Variants in COL25A1 observed in about 807,000 individuals in gnomAD.
COL25A1 encodes collagen type XXV alpha 1 chain.
A neutral mutation model predicts 128.4 loss-of-function variants in COL25A1; 103 were observed. The ratio of observed to expected loss-of-function variants is 0.80; its 90% CI spans 0.68 to 0.94. The LOEUF is 0.94. Ranked by LOEUF, COL25A1 falls within the 40% of genes least tolerant of loss-of-function variation. The pLI is 0.00. For missense variants in COL25A1, 745 were observed against 840.0 expected (o/e 0.89, Z 1.40); for synonymous variants, 279 against 277.2 (o/e 1.01, Z -0.06).
intron 3 of COL25A1, among the ~76,000 whole-genome samples, chr4:109,214,324 A>G (rs2126201144): frequency 6.6e-6 from 1 of 152,244 alleles, no homozygotes; most frequent in East Asian, 1.9e-4. Flanking sequence ...TGAACCAAAA[A>G]CATCTAGAGG....
intron 5 of COL25A1, among the ~76,000 whole-genome samples, chr4:109,019,463 A>C (rs1757529217): frequency 6.6e-6 from 1 of 150,728 alleles, no homozygotes; most frequent in Admixed American, 6.6e-5. Context: ...TAATTTATAA[A>C]GAAAAAAAGT....
At chr4:109,287,184 G>C (rs549722778) in intron 3 of COL25A1, among the ~76,000 whole-genome samples, 1 of 152,104 alleles carries the variant, frequency 6.6e-6, no homozygotes, top group African/African-American at 2.4e-5. Context: ...AATTGGATAC[G>C]GTTTGCTACA....
At chr4:108,893,777 G>A (rs1741816030) in intron 16 of COL25A1, among the ~76,000 whole-genome samples, 1 of 152,138 alleles carries the variant, frequency 6.6e-6, no homozygotes, top group African/African-American at 2.4e-5. Flanking sequence ...CATAAGAAGA[G>A]TGTTTCCAAC....
chr4:109,136,357 A>G (rs1769763815), intron 3 of COL25A1, among the ~76,000 whole-genome samples: 2 of 152,136 alleles, frequency 1.3e-5, no homozygotes, highest in Non-Finnish European at 2.9e-5. Flanking sequence ...CGAGATCATG[A>G]CATTGCACTC....
chr4:109,177,100 G>T (rs956378848), intron 3 of COL25A1, among the ~76,000 whole-genome samples: 1 of 152,162 alleles, frequency 6.6e-6, no homozygotes, highest in Non-Finnish European at 1.5e-5. Flanking sequence ...TAGCAGGAAG[G>T]AATATGCAAA....
At chr4:108,961,661 C>A (rs528246545) in intron 8 of COL25A1, among the ~76,000 whole-genome samples, 1 of 135,160 alleles carries the variant, frequency 7.4e-6, no homozygotes, top group African/African-American at 2.7e-5. Flanking sequence ...TGTGTTTGGG[C>A]ATCACTCCCT....
chr4:109,093,752 A>T (rs2126012186), intron 3 of COL25A1, among the ~76,000 whole-genome samples: 1 of 152,352 alleles, frequency 6.6e-6, no homozygotes, highest in South Asian at 2.1e-4. Flanking sequence ...GTAAAATAAT[A>T]TATGAGGCCA....
At chr4:109,161,087 C>T (rs1248221519) in intron 3 of COL25A1, among the ~76,000 whole-genome samples, 1 of 152,152 alleles carries the variant, frequency 6.6e-6, no homozygotes, top group Non-Finnish European at 1.5e-5. Context: ...ATCCTCCCAC[C>T]TTTACCTCTC....
intron 3 of COL25A1, among the ~76,000 whole-genome samples, chr4:109,216,010 T>C (rs910032878): frequency 6.6e-6 from 1 of 152,134 alleles, no homozygotes; most frequent in African/African-American, 2.4e-5. Flanking sequence ...CAGTCTGAAA[T>C]GTACCTCTCA....
intron 12 of COL25A1, 44 bp downstream of exon 12, chr4:108,920,534 A>T: frequency 6.6e-7 from 1 of 1,519,110 alleles, no homozygotes; most frequent in Non-Finnish European, 9.1e-7. Context: ...CCATTAGGTC[A>T]TGAGAGCATA....
intron 3 of COL25A1, among the ~76,000 whole-genome samples, chr4:109,293,025 C>T (rs1413078402): frequency 6.6e-6 from 1 of 151,924 alleles, no homozygotes; most frequent in Non-Finnish European, 1.5e-5. Flanking sequence ...TCTTAAAATG[C>T]CAGCTGGAAT....
chr4:109,172,073 C>T (rs1044651303), intron 3 of COL25A1, among the ~76,000 whole-genome samples: 2 of 152,118 alleles, frequency 1.3e-5, no homozygotes, highest in Non-Finnish European at 2.9e-5. Flanking sequence ...GCCACCTGAA[C>T]CATCAGCTCT....
At chr4:108,842,766 C>T (rs1734595317) in intron 30 of COL25A1, among the ~76,000 whole-genome samples, 1 of 152,068 alleles carries the variant, frequency 6.6e-6, no homozygotes, top group Non-Finnish European at 1.5e-5. Context: ...CTAATTTAAC[C>T]TTCTATCTTA....
chr4:109,178,835 CAAAAAAAAAAAAA>C (rs34132262), intron 3 of COL25A1, among the ~76,000 whole-genome samples: 1 of 47,560 alleles, frequency 2.1e-5, no homozygotes, highest in Admixed American at 2.6e-4. Flanking sequence ...ACTCCATCTC[CAAAAAAAAAAAAA>C]AAAAAAAAAA....
chr4:109,235,534 A>G (rs964573014), intron 3 of COL25A1, among the ~76,000 whole-genome samples: 1 of 126,744 alleles, frequency 7.9e-6, no homozygotes, highest in African/African-American at 3.6e-5. Context: ...ACAAACATAC[A>G]CCCACACACG....
chr4:109,056,202 T>TA (rs1761430182), intron 3 of COL25A1, among the ~76,000 whole-genome samples: 1 of 152,132 alleles, frequency 6.6e-6, no homozygotes, highest in African/African-American at 2.4e-5. Context: ...AAAGATATAC[T>TA]AACAAATGTG....
At chr4:109,164,180 G>C (rs1772849867) in intron 3 of COL25A1, among the ~76,000 whole-genome samples, 1 of 152,060 alleles carries the variant, frequency 6.6e-6, no homozygotes, top group Non-Finnish European at 1.5e-5. Flanking sequence ...GTAGGCAGAA[G>C]TAGGCCTGGC....
At chr4:108,995,969 C>A (rs1181912951) in intron 6 of COL25A1, among the ~76,000 whole-genome samples, 3 of 152,058 alleles carry the variant, frequency 2.0e-5, no homozygotes, top group Non-Finnish European at 4.4e-5. Flanking sequence ...CTGAAGGAAG[C>A]ACTAAATATG....
chr4:109,274,356 T>A (rs1481617737), intron 3 of COL25A1, among the ~76,000 whole-genome samples: 3 of 152,122 alleles, frequency 2.0e-5, no homozygotes, highest in Non-Finnish European at 4.4e-5. Context: ...GAAAAACATA[T>A]CATTTTATAA....
Sources: allele counts gnomAD v4.1 joint callset (sites outside exome capture counted in the v4.1 genomes callset), GRCh38; gene constraint gnomAD v4.1.1; transcripts MANE v1.5; gene names NCBI Gene and HGNC (gene_info 2026-07-23, HGNC 2026-07-21).